FBLN5: variants seen among roughly 807,000 people sequenced by gnomAD.
FBLN5 encodes fibulin-5.
Under a neutral mutation model 61.6 loss-of-function variants are expected in FBLN5, and 24 were observed. The observed-to-expected ratio is 0.39, with a 90% CI of 0.28 to 0.55. The LOEUF (loss-of-function observed/expected upper bound fraction) is 0.55, where lower values mean the gene tolerates loss of function less well. FBLN5 is among the 20% of genes least tolerant of loss of function. The probability of loss-of-function intolerance (pLI) is 0.65; values close to 1 mark genes in which losing one functional copy is unlikely to be tolerated. For missense variants in FBLN5, 470 were observed against 594.1 expected (o/e 0.79, Z 2.17); for synonymous variants, 213 against 219.8 (o/e 0.97, Z 0.27).
At chr14:91,873,889 T>C (rs1954897333) in intron 10 of FBLN5, 1 of 152,268 alleles carries the variant, frequency 6.6e-6, no homozygotes, top group South Asian at 2.1e-4. Flanking sequence ...TGTCACTTGA[T>C]CCACGTGTGT....
In FBLN5 at chr14:91,943,359, A is replaced by C. The variant is rs1398359538; in HGVS notation, c.18-398T>G. ...CCCCATTTCTACAAAATTAAAAAAA[A>C]AATTAACTGGGCATGATAGCACGCG... On this transcript the variant is annotated intron_variant, in intron 1 of 10. Coordinates refer to ENST00000342058, the MANE Select transcript of FBLN5 (RefSeq NM_006329.4). This position sits in a 1 kb window ranked among gnomAD's most constrained non-coding sequence, Gnocchi z 4.0. 6.6e-6 allele frequency among the ~76,000 whole-genome samples: 1 copy of C among 151,978 alleles called. No homozygotes were observed. Among genetic ancestry groups the C allele is most frequent in the Non-Finnish European group, 1.5e-5 (1 of 67,984 alleles).
At chr14:91,930,749 C>T (rs1256443408) in intron 4 of FBLN5, among the ~76,000 whole-genome samples, 2 of 152,132 alleles carry the variant, frequency 1.3e-5, no homozygotes. Context: ...ACATTTGTTC[C>T]CACTTCCCAC....
chr14:91,898,635 A>G (rs952987904), intron 4 of FBLN5, among the ~76,000 whole-genome samples: 4 of 152,160 alleles, frequency 2.6e-5, no homozygotes, highest in Non-Finnish European at 5.9e-5. Flanking sequence ...GTGGAAAAGT[A>G]CAAGCTATGA....
chr14:91,929,620 A>C (rs1160506725), intron 4 of FBLN5, among the ~76,000 whole-genome samples: 3 of 152,202 alleles, frequency 2.0e-5, no homozygotes, highest in Admixed American at 6.5e-5. Context: ...CCTTAAAATC[A>C]TTTCTTTCCA....
rs142366859 is a variant in FBLN5, at chr14:91,877,511, A to G, written c.1161T>C (p.Asn387=). 6 of 1,613,906 alleles carry G rather than the reference A, an allele frequency of 3.7e-6. No homozygotes were observed. The African/African-American group carries it at 8.0e-5, about 22-fold the overall frequency. ...CCCGCATGTAAAATTCTCTGCCCTC[A>G]TTCCCAGATTTGATCTGGAAAATGT... ...AYYIFQIKSG[N]EGREFYMRQT... Residue 387 remains asparagine (N), a synonymous_variant, in exon 10 of 11, where the codon AAT becomes AAC. Transcript: ENST00000342058.
intron 10 of FBLN5, among the ~76,000 whole-genome samples, chr14:91,871,285 G>C (rs1479340693): frequency 6.7e-6 from 1 of 149,888 alleles, no homozygotes; most frequent in Non-Finnish European, 1.5e-5. Context: ...AACAATTCCA[G>C]GGGCCCATTC....
intron 4 of FBLN5, among the ~76,000 whole-genome samples, chr14:91,906,677 C>A (rs1010613944): frequency 1.3e-5 from 2 of 152,244 alleles, no homozygotes; most frequent in African/African-American, 2.4e-5. Context: ...TGGGCACCAG[C>A]AGCTTCCTGG....
At chr14:91,897,696 G>A (rs913162254) in intron 4 of FBLN5, among the ~76,000 whole-genome samples, 1 of 152,326 alleles carries the variant, frequency 6.6e-6, no homozygotes, top group Non-Finnish European at 1.5e-5. Context: ...TATTCAGGCC[G>A]AAGATCAAAA....
intron 3 of FBLN5, chr14:91,938,416 T>C (rs934393678): frequency 6.5e-5 from 10 of 154,792 alleles, no homozygotes; most frequent in African/African-American, 1.9e-4. Context: ...GATTGCGCCA[T>C]TGCACTCCAG....
rs534219640 is a variant in FBLN5 at position 91,891,189 on chromosome 14, A to T, written c.619+32T>A. On this transcript the variant is annotated intron_variant, in intron 6 of 10. Transcript: ENST00000342058. Reference sequence around the variant, plus strand: ...AAGAAGGCTGCAGCTAGTGTCTCACATCATGTCCAAGTTATCATGCACGTC... The same window carrying T: ...AAGAAGGCTGCAGCTAGTGTCTCACTTCATGTCCAAGTTATCATGCACGTC... 74 of 1,253,032 alleles carry T rather than the reference A, an allele frequency of 5.9e-5. No individual in the cohort carries two copies. The South Asian group carries it at 7.9e-4, about 13-fold the overall frequency. 77.6% of individuals were successfully genotyped at this position (1,253,032 alleles called of 1,614,324 possible).
At chr14:91,922,888 G>A (rs1053467443) in intron 4 of FBLN5, among the ~76,000 whole-genome samples, 14 of 152,102 alleles carry the variant, frequency 9.2e-5, no homozygotes, top group African/African-American at 3.4e-4. Flanking sequence ...CAGGGGTCTC[G>A]GCAGAGGGCT....
intron 4 of FBLN5, among the ~76,000 whole-genome samples, chr14:91,904,223 T>A (rs1433581269): frequency 6.6e-6 from 1 of 152,070 alleles, no homozygotes; most frequent in Non-Finnish European, 1.5e-5. Context: ...TAAAGCGAAT[T>A]ATACTGGAAA....
intron 9 of FBLN5, among the ~76,000 whole-genome samples, chr14:91,880,754 T>C (rs1189242203): frequency 1.3e-5 from 2 of 152,156 alleles, no homozygotes; most frequent in Non-Finnish European, 2.9e-5. Flanking sequence ...TTTCACCATG[T>C]TGGCCAGGCT....
intron 2 of FBLN5, 126 bp from the exon 3 acceptor site, chr14:91,940,742 TTA>T: frequency 1.3e-6 from 1 of 747,044 alleles, no homozygotes; most frequent in Non-Finnish European, 2.4e-6. Flanking sequence ...AATACCTGTA[TTA>T]TAACCCCTAT....
intron 4 of FBLN5, among the ~76,000 whole-genome samples, chr14:91,927,384 A>G (rs1490434995): frequency 6.6e-6 from 1 of 152,198 alleles, no homozygotes; most frequent in Admixed American, 6.5e-5. Context: ...ACATAAACAG[A>G]TAAGAGCCGC....
At chr14:91,912,488 T>C (rs1338191780) in intron 4 of FBLN5, among the ~76,000 whole-genome samples, 1 of 151,882 alleles carries the variant, frequency 6.6e-6, no homozygotes, top group African/African-American at 2.4e-5. Context: ...CTACTAAAAA[T>C]ACAAAAATTA....
intron 4 of FBLN5, among the ~76,000 whole-genome samples, chr14:91,895,372 A>G (rs1379682942): frequency 1.3e-5 from 2 of 152,368 alleles, no homozygotes; most frequent in East Asian, 3.9e-4. Context: ...TTACCTTGAC[A>G]ATAACCATTA....
At chr14:91,886,779 C>A (rs1014353299) in intron 7 of FBLN5, among the ~76,000 whole-genome samples, 6 of 152,268 alleles carry the variant, frequency 3.9e-5, no homozygotes, top group Admixed American at 2.6e-4. Context: ...AATGTTCCCC[C>A]CAACCCTACC....
intron 6 of FBLN5, among the ~76,000 whole-genome samples, chr14:91,889,838 T>C (rs1355142170): frequency 6.6e-6 from 1 of 152,192 alleles, no homozygotes; most frequent in African/African-American, 2.4e-5. Flanking sequence ...CTGCCAGGTG[T>C]ATTATCTGCT....
Sources: gnomAD v4.1 joint callset for allele counts (sites outside exome capture counted in the v4.1 genomes callset) on GRCh38, gnomAD v4.1.1 for gene constraint, Gnocchi (gnomAD v3.1) non-coding constraint, MANE v1.5 for transcripts, NCBI Gene and HGNC (gene_info 2026-07-23, HGNC 2026-07-21) for gene names.